The following EVL variants were observed in gnomAD, a reference collection of about 807,000 sequenced individuals.
The protein encoded by EVL is ena/VASP-like protein.
A neutral mutation model predicts 59.6 loss-of-function variants in EVL; 21 were observed. The ratio of observed to expected loss-of-function variants is 0.35; its 90% CI spans 0.25 to 0.51. The LOEUF (loss-of-function observed/expected upper bound fraction) is 0.51, where lower values mean the gene tolerates loss of function less well. EVL is among the 20% of genes least tolerant of loss of function. The pLI is 0.97. For missense variants in EVL, 462 were observed against 546.6 expected (o/e 0.85, Z 1.54); for synonymous variants, 198 against 203.5 (o/e 0.97, Z 0.23).
rs545797169 is a variant in EVL, at chr14:99,993,224, A to AT, written c.5+21176dup. Among the ~76,000 whole-genome samples, 277 of 150,552 alleles carry AT rather than the reference A, an allele frequency of 1.8e-3. 1 individual carries two copies. Among genetic ancestry groups the AT allele is most frequent in the Admixed American group, 2.8e-3 (42 of 15,090 alleles). On this transcript the variant is annotated intron_variant, in intron 1 of 13. Coordinates refer to the EVL transcript ENST00000402714. The stretch of plus-strand genomic sequence containing the variant: ...AGGCACGTGCCACCACGCCTGGCTA[A>AT]TTTTTTTTTATTTTTAGTAGAGACA...
At chr14:100,015,182 C>G (rs1276725208) in intron 1 of EVL, among the ~76,000 whole-genome samples, 7 of 152,218 alleles carry the variant, frequency 4.6e-5, no homozygotes, top group Non-Finnish European at 1.0e-4. Context: ...CTTAAACTCT[C>G]TGTTTATTGG....
intron 1 of EVL, among the ~76,000 whole-genome samples, chr14:100,043,607 T>A (rs1330141185): frequency 1.3e-5 from 1 of 76,208 alleles, no homozygotes; most frequent in African/African-American, 9.7e-5. Context: ...TCCTCTGCCT[T>A]TTTTTTTTTT....
intron 5 of EVL, 62 bp downstream of exon 5, chr14:100,126,833 G>A (rs927272322): frequency 1.2e-5 from 18 of 1,542,954 alleles, no homozygotes; most frequent in East Asian, 6.8e-5. Flanking sequence ...GCCCCTCCAC[G>A]TAGATGAGGC....
chr14:100,132,735 CAGTCAGACA>C lies in EVL; in HGVS notation c.859_867del (p.Ser287_Lys289del). The C allele has an allele frequency of 6.2e-7, 1 of 1,614,188 alleles. No homozygotes were observed. ...TGTGCCTAGGAGAAAAGCAGCCTCC[CAGTCAGACA>C]AGCCAGCCGAGAAGAAGGAAGATGA... On this transcript the variant is annotated inframe_deletion, in exon 8 of 14. Transcript: ENST00000392920.
rs773388479 is a variant in EVL at position 100,123,791 on chromosome 14, G to A, written c.422+189G>A. On this transcript the variant is annotated intron_variant, in intron 4 of 13. Transcript: ENST00000392920. ...GGGCCGATGCGCAGCCGCTGGTCCC[G>A]GACACCAAGACCAGGAATGACTGTG... is the stretch of plus-strand genomic sequence containing the variant. Among the ~76,000 whole-genome samples, 6 of 152,188 alleles carry A rather than the reference G, an allele frequency of 3.9e-5. 1 individual carries two copies. Among genetic ancestry groups the A allele is most frequent in the South Asian group, 4.1e-4 (2 of 4,828 alleles).
chr14:99,995,313 CCTTT>C (rs2060905955), intron 1 of EVL, among the ~76,000 whole-genome samples: 1 of 152,048 alleles, frequency 6.6e-6, no homozygotes, highest in Non-Finnish European at 1.5e-5. Context: ...GTTCTCTTCA[CCTTT>C]CTTTATTCTT....
intron 1 of EVL, among the ~76,000 whole-genome samples, chr14:100,026,503 G>T (rs923680688): frequency 2.0e-5 from 3 of 152,056 alleles, no homozygotes; most frequent in Non-Finnish European, 4.4e-5. Context: ...TTTCCTGTGG[G>T]CTCAGAGCTT....
intron 1 of EVL, among the ~76,000 whole-genome samples, chr14:100,016,090 A>T (rs942270914): frequency 1.5e-4 from 23 of 149,106 alleles, no homozygotes; most frequent in African/African-American, 4.1e-4. Flanking sequence ...AAAAAAAAAA[A>T]AAAAAATTAA....
At chr14:100,058,983 TG>T (rs1164184708) in intron 1 of EVL, among the ~76,000 whole-genome samples, 2 of 152,204 alleles carry the variant, frequency 1.3e-5, no homozygotes, top group East Asian at 3.8e-4. Context: ...GGGGTGAAAC[TG>T]AAAGGCACTT....
chr14:100,063,010 G>C (rs1328371334), upstream of EVL, among the ~76,000 whole-genome samples: 1 of 152,142 alleles, frequency 6.6e-6, no homozygotes. Context: ...AGGTAAGGAG[G>C]ATCACTTGAG....
intron 1 of EVL, among the ~76,000 whole-genome samples, chr14:99,990,219 G>T (rs1451484877): frequency 6.6e-6 from 1 of 152,204 alleles, no homozygotes; most frequent in African/African-American, 2.4e-5. Flanking sequence ...AATATTTTCA[G>T]AAGGTTTTCA....
intron 1 of EVL, among the ~76,000 whole-genome samples, chr14:100,022,045 A>G (rs2061133875): frequency 6.6e-6 from 1 of 152,092 alleles, no homozygotes; most frequent in Non-Finnish European, 1.5e-5. Context: ...GTGTCAGCTG[A>G]AATGGGGAGA....
intron 1 of EVL, among the ~76,000 whole-genome samples, chr14:99,993,946 A>G (rs551673300): frequency 8.8e-4 from 134 of 151,638 alleles, no homozygotes; most frequent in African/African-American, 3.1e-3. Context: ...TGCCTGCCTC[A>G]GCTTCCCAAA....
chr14:100,095,796 CG>C (rs1288978221), intron 2 of EVL, among the ~76,000 whole-genome samples: 2 of 152,180 alleles, frequency 1.3e-5, no homozygotes, highest in Non-Finnish European at 2.9e-5. Flanking sequence ...GGCGCAATCT[CG>C]GCTCACTGCA....
chr14:99,988,663 CAA>C (rs1203386383), intron 1 of EVL, among the ~76,000 whole-genome samples: 1 of 152,118 alleles, frequency 6.6e-6, no homozygotes, highest in East Asian at 1.9e-4. Context: ...ATGATAGCCT[CAA>C]AGTGGAAACA....
rs147923720 is a variant in EVL at position 100,096,151 on chromosome 14, A to T, written c.181-1330A>T. Among the ~76,000 whole-genome samples the T allele has an allele frequency of 3.2e-4, 49 of 152,290 alleles. 1 individual carries two copies. The East Asian group carries it at 9.2e-3, about 29-fold the overall frequency. ...AAGACTTGGAAAACAGCTTTTCTGGATGTCACTCATGTTTGCTGTCCTCTG... is the reference window on the plus strand; with the variant it reads ...AAGACTTGGAAAACAGCTTTTCTGGTTGTCACTCATGTTTGCTGTCCTCTG... On this transcript the variant is annotated intron_variant, in intron 2 of 13. Transcript: ENST00000392920.
intron 1 of EVL, among the ~76,000 whole-genome samples, chr14:100,067,847 A>G (rs2061966136): frequency 1.3e-5 from 2 of 152,202 alleles, no homozygotes; most frequent in Non-Finnish European, 2.9e-5. Flanking sequence ...ACAGAGAGTA[A>G]TAAGCATAGA....
At chr14:100,034,153 T>C (rs2061353820) in intron 1 of EVL, among the ~76,000 whole-genome samples, 1 of 151,188 alleles carries the variant, frequency 6.6e-6, no homozygotes, top group Admixed American at 6.6e-5. Context: ...TGAGAATTGC[T>C]TGAAACCAAG....
intron 12 of EVL, 110 bp downstream of exon 12, chr14:100,141,356 C>CA (rs2140409892): frequency 8.2e-7 from 1 of 1,218,360 alleles, no homozygotes; most frequent in East Asian, 2.4e-5. Context: ...ATGTAGCTGC[C>CA]AAAAGGCCAG....
Sources: gnomAD v4.1 joint callset for allele counts (sites outside exome capture counted in the v4.1 genomes callset) on GRCh38, gnomAD v4.1.1 for gene constraint, MANE v1.5 for transcripts, NCBI Gene and HGNC (gene_info 2026-07-23, HGNC 2026-07-21) for gene names.